EPB41: variants seen among roughly 807,000 people sequenced by gnomAD.
EPB41 encodes erythrocyte membrane protein band 4.1.
In EPB41, 65 loss-of-function variants were observed where a neutral mutation model predicts 108.0. That is an observed-to-expected ratio of 0.60 (90% CI 0.49 to 0.74). EPB41 has a LOEUF of 0.74. Among genes scored for constraint, EPB41 ranks in the 30% least tolerant of loss-of-function variants. The pLI, the probability that EPB41 is intolerant of heterozygous loss-of-function variation, is 0.00. For missense variants in EPB41, 875 were observed against 1,037.0 expected, an observed-to-expected ratio of 0.84 and a Z score of 2.15; for synonymous variants, 336 against 358.9, an observed-to-expected ratio of 0.94 and a Z score of 0.72.
chr1:29,039,537 G>T, intron 11 of EPB41, 111 bp downstream of exon 11: 2 of 1,389,378 alleles, frequency 1.4e-6, no homozygotes, highest in Non-Finnish European at 2.0e-6. Context: ...GTTGGGCCTG[G>T]TGCAGTGGCT....
At chr1:29,095,215 C>A (rs531974188) in intron 16 of EPB41, among the ~76,000 whole-genome samples, 1 of 152,072 alleles carries the variant, frequency 6.6e-6, no homozygotes, top group Non-Finnish European at 1.5e-5. Flanking sequence ...CTTGTGTTTC[C>A]GGAATTTATT....
At chr1:29,061,475 T>G (rs892305616) in intron 15 of EPB41, among the ~76,000 whole-genome samples, 6 of 151,656 alleles carry the variant, frequency 4.0e-5, no homozygotes, top group Non-Finnish European at 7.4e-5. Context: ...TTCACTGTGT[T>G]AGCCAGGATG....
intron 10 of EPB41, among the ~76,000 whole-genome samples, chr1:29,036,737 C>T (rs375173581): frequency 2.1e-4 from 30 of 144,170 alleles, no homozygotes; most frequent in Middle Eastern, 4.1e-3. Flanking sequence ...AGTGCAGTGG[C>T]GGATCTCGGC....
At chr1:29,052,996 C>CTT in intron 11 of EPB41, 108 bp from the exon 12 acceptor site, 1 of 1,212,036 alleles carries the variant, frequency 8.3e-7, no homozygotes. Flanking sequence ...ACTACACACT[C>CTT]TAACATTCGT....
At chr1:28,975,624 T>G (rs1160969378) in intron 1 of EPB41, among the ~76,000 whole-genome samples, 1 of 152,108 alleles carries the variant, frequency 6.6e-6, no homozygotes, top group Non-Finnish European at 1.5e-5. Context: ...AATGTGTCTT[T>G]GCCTGTCTCT....
At position 28,984,339 on chromosome 1, in the gene EPB41, A is replaced by G. The variant is rs957837261; in HGVS notation, c.-7-3092A>G. Among the ~76,000 whole-genome samples the G allele has an allele frequency of 5.3e-5, 8 of 152,338 alleles. 1 individual carries two copies. In the South Asian group the frequency reaches 1.4e-3, roughly 28 times the overall value. On this transcript the variant is annotated intron_variant, in intron 1 of 20. Transcript: ENST00000343067. ...GTCAGAGACCCGTCCTTTTCTGCCT[A>G]GAATTTCTCTGCCCCTTTGTCTGTA...
rs781490490 is a variant in EPB41, at chr1:29,011,852, C to T, written c.787-13C>T. On this transcript the variant is annotated splice_polypyrimidine_tract_variant and intron_variant, in intron 4 of 20. Coordinates refer to ENST00000343067, the MANE Select transcript of EPB41 (RefSeq NM_001376013.1). Reference sequence around the variant, plus strand: ...TTGGAGCTCTGTGTGAATGCCTTTTCTCCTTTTTACAGACATGGCTGGATT... The same window carrying T: ...TTGGAGCTCTGTGTGAATGCCTTTTTTCCTTTTTACAGACATGGCTGGATT... 3.7e-6 allele frequency: 6 copies of T among 1,614,028 alleles called. No individual in the cohort carries two copies. In the South Asian group the frequency reaches 5.5e-5, roughly 15 times the overall value.
chr1:29,033,956 G>C (rs979977322), intron 9 of EPB41, among the ~76,000 whole-genome samples: 1 of 152,106 alleles, frequency 6.6e-6, no homozygotes, highest in Non-Finnish European at 1.5e-5. Context: ...ATAGTTATTT[G>C]AAGATCAAAT....
chr1:29,096,110 T>G (rs1663132522), intron 16 of EPB41: 1 of 974,428 alleles, frequency 1.0e-6, no homozygotes, highest in Non-Finnish European at 1.2e-6. Context: ...ATTCTCCCAC[T>G]TATACCTAAT....
intron 1 of EPB41, among the ~76,000 whole-genome samples, chr1:28,904,439 C>T (rs2091594903): frequency 6.6e-6 from 1 of 152,028 alleles, no homozygotes; most frequent in African/African-American, 2.4e-5. Flanking sequence ...TCTGCAGAAC[C>T]CTTTGCATTC....
chr1:29,036,122 G>A (rs1639323115), intron 10 of EPB41, among the ~76,000 whole-genome samples, 199 bp downstream of exon 10: 1 of 152,042 alleles, frequency 6.6e-6, no homozygotes, highest in African/African-American at 2.4e-5. Flanking sequence ...CAAAGCACCT[G>A]TCTGTGTATG....
At chr1:29,105,434 C>A (rs1003784587) in intron 17 of EPB41, among the ~76,000 whole-genome samples, 3 of 151,996 alleles carry the variant, frequency 2.0e-5, no homozygotes, top group Non-Finnish European at 2.9e-5. Context: ...GACGGGGTTT[C>A]ACCATGTTGG....
rs758973086 is a variant in EPB41 at position 29,033,172 on chromosome 1, G to C, written c.1292G>C (p.Arg431Pro). Residue 431 changes from arginine (R) to proline (P), a missense_variant, in exon 9 of 21, where the codon CGC becomes CCC. Transcript: ENST00000343067. The part of the protein sequence containing the change: ...LVYKDKLRIN[R>P]FPWPKVLKIS... ...TACAAAGATAAGCTGAGAATTAACC[G>C]CTTCCCTTGGCCCAAAGTGCTGAAG... The C allele has an allele frequency of 1.9e-6, 3 of 1,613,760 alleles. No individual in the cohort carries two copies. The African/African-American group carries it at 4.0e-5, about 22-fold the overall frequency.
intron 1 of EPB41, among the ~76,000 whole-genome samples, chr1:28,943,785 C>A (rs2094391137): frequency 6.6e-6 from 1 of 152,204 alleles, no homozygotes; most frequent in African/African-American, 2.4e-5. Context: ...TTAGTATAAC[C>A]ATTTTGGAGA....
chr1:28,934,665 A>AC (rs1557721051), intron 1 of EPB41, among the ~76,000 whole-genome samples: 5 of 33,136 alleles, frequency 1.5e-4, no homozygotes. Context: ...TTCTTTTGAC[A>AC]TTGTGTGTGT....
intron 1 of EPB41, among the ~76,000 whole-genome samples, chr1:28,971,819 A>T (rs900347191): frequency 6.6e-6 from 1 of 152,198 alleles, no homozygotes; most frequent in Non-Finnish European, 1.5e-5. Context: ...ATTATGGTCT[A>T]TAGATTTAAA....
chr1:28,950,622 C>T (rs1406987721), intron 1 of EPB41, among the ~76,000 whole-genome samples: 2 of 152,242 alleles, frequency 1.3e-5, no homozygotes, highest in African/African-American at 4.8e-5. Flanking sequence ...CTCCCCTCTC[C>T]CTTCTTGCTT....
intron 16 of EPB41, chr1:29,070,943 G>A (rs1265609440): frequency 1.5e-5 from 3 of 205,784 alleles, no homozygotes; most frequent in Admixed American, 5.9e-5. Context: ...CTATTGTTAT[G>A]TCTTCCTATC....
intron 1 of EPB41, among the ~76,000 whole-genome samples, chr1:28,900,780 A>G (rs74796876): frequency 0.059 from 8,915 of 152,152 alleles, 688 homozygotes; most frequent in African/African-American, 0.18. Flanking sequence ...AGGCAAGTCC[A>G]TCAAGCACAC....
Sources: allele counts gnomAD v4.1 joint callset (sites outside exome capture counted in the v4.1 genomes callset), GRCh38; gene constraint gnomAD v4.1.1; transcripts MANE v1.5; gene names NCBI Gene and HGNC (gene_info 2026-07-23, HGNC 2026-07-21).